Variants in TGFBR2 observed in about 807,000 individuals in gnomAD.
TGFBR2 encodes TGF-beta receptor type-2.
TGFBR2 carries 18 observed loss-of-function variants against 49.0 expected under a neutral mutation model. That is an observed-to-expected ratio of 0.37 (90% CI 0.25 to 0.54). TGFBR2 has a LOEUF of 0.54. Ranked by LOEUF, TGFBR2 falls within the 20% of genes least tolerant of loss-of-function variation. The probability of loss-of-function intolerance (pLI) is 0.85; values close to 1 mark genes in which losing one functional copy is unlikely to be tolerated. For missense variants in TGFBR2, 525 were observed against 722.6 expected, an observed-to-expected ratio of 0.73 and a Z score of 3.13; for synonymous variants, 282 against 275.9, an observed-to-expected ratio of 1.02 and a Z score of -0.22.
intron 2 of TGFBR2, among the ~76,000 whole-genome samples, chr3:30,649,442 G>A (rs1698839977): frequency 6.6e-6 from 1 of 152,154 alleles, no homozygotes; most frequent in African/African-American, 2.4e-5. Flanking sequence ...TAGGGCCCAA[G>A]GAAAATGCTA....
chr3:30,607,233 T>C (rs1697939642), intron 1 of TGFBR2, among the ~76,000 whole-genome samples: 1 of 152,218 alleles, frequency 6.6e-6, no homozygotes, highest in South Asian at 2.1e-4. Flanking sequence ...GGAAAGGCGT[T>C]GTGTTGGCCG....
chr3:30,647,096 C>T (rs989995168), intron 2 of TGFBR2, among the ~76,000 whole-genome samples: 2 of 152,144 alleles, frequency 1.3e-5, no homozygotes, highest in African/African-American at 2.4e-5. Context: ...TCCTTCATGA[C>T]CAAGGCACTC....
At chr3:30,677,867 C>T (rs576387608) in intron 5 of TGFBR2, among the ~76,000 whole-genome samples, 3 of 152,254 alleles carry the variant, frequency 2.0e-5, no homozygotes, top group African/African-American at 7.2e-5. Flanking sequence ...CTTACACATG[C>T]AGATATGTTT....
At chr3:30,610,441 A>G (rs1212612514) in intron 1 of TGFBR2, among the ~76,000 whole-genome samples, 2 of 152,158 alleles carry the variant, frequency 1.3e-5, no homozygotes, top group Non-Finnish European at 2.9e-5. Context: ...CTGCCTTGTC[A>G]CGGAGCCCCA....
chr3:30,608,612 G>A (rs75246121), intron 1 of TGFBR2, among the ~76,000 whole-genome samples: 1,820 of 152,258 alleles, frequency 0.012, 31 homozygotes, highest in African/African-American at 0.041. Flanking sequence ...ATTTTAGAGT[G>A]TTTGAAGTGG....
rs1476963607 is a variant in TGFBR2, at chr3:30,681,568, C to T, written c.1397-6816C>T. Among the ~76,000 whole-genome samples, 4 of 152,058 alleles carry T rather than the reference C, an allele frequency of 2.6e-5. No homozygotes were observed. In the East Asian group the frequency reaches 5.8e-4, roughly 22 times the overall value. ...AGAAGCTGCGAGGGCCGGGCGGTTG[C>T]GGGTGGCTTCCATCAGTGAAAAGAC... On this transcript the variant is annotated intron_variant, in intron 5 of 6. Coordinates refer to ENST00000295754, the MANE Select transcript of TGFBR2 (RefSeq NM_003242.6).
At chr3:30,657,404 A>G (rs1030595701) in intron 3 of TGFBR2, among the ~76,000 whole-genome samples, 1 of 152,154 alleles carries the variant, frequency 6.6e-6, no homozygotes, top group African/African-American at 2.4e-5. Context: ...TAAGATGCTC[A>G]TCTGTTGGGA....
At chr3:30,666,765 G>C (rs891591) in intron 3 of TGFBR2, among the ~76,000 whole-genome samples, 96,665 of 150,920 alleles carry the variant, frequency 0.64, 31,580 homozygotes, top group Non-Finnish European at 0.7. Context: ...CTCAGCCACC[G>C]TAATAGCTGG....
chr3:30,687,398 T>C (rs1699641343), intron 5 of TGFBR2, among the ~76,000 whole-genome samples: 1 of 152,178 alleles, frequency 6.6e-6, no homozygotes, highest in Non-Finnish European at 1.5e-5. Context: ...TGTTTTGTTT[T>C]TTATTTTGTA....
At chr3:30,649,744 G>A (rs1193630607) in intron 2 of TGFBR2, among the ~76,000 whole-genome samples, 4 of 151,968 alleles carry the variant, frequency 2.6e-5, no homozygotes, top group Non-Finnish European at 4.4e-5. Context: ...CCCTTTACAC[G>A]CAATGCTCTG....
intron 5 of TGFBR2, among the ~76,000 whole-genome samples, chr3:30,677,785 A>G (rs1233651414): frequency 6.6e-6 from 1 of 152,222 alleles, no homozygotes; most frequent in African/African-American, 2.4e-5. Flanking sequence ...ATGGAAGGAC[A>G]GGTTTTGACC....
At chr3:30,661,819 T>A (rs1286257765) in intron 3 of TGFBR2, among the ~76,000 whole-genome samples, 1 of 152,208 alleles carries the variant, frequency 6.6e-6, no homozygotes, top group Non-Finnish European at 1.5e-5. Context: ...TCAAAACACA[T>A]GATGAAGAAT....
In TGFBR2 at chr3:30,630,587, C is replaced by T. The variant is rs149041360; in HGVS notation, c.95-14160C>T. 3.8e-3 allele frequency among the ~76,000 whole-genome samples: 580 copies of T among 152,314 alleles called. 6 individuals are homozygous for T. The highest frequency in any genetic ancestry group is 0.013 in the African/African-American group (550 of 41,570). ...TTTTCCACAGCCCATTGACAACTGT[C>T]ATTATGTAAATACTGTCCTTTTTTC... On this transcript the variant is annotated intron_variant, in intron 1 of 6. Coordinates refer to ENST00000295754, the MANE Select transcript of TGFBR2 (RefSeq NM_003242.6).
rs1575126493 is a variant in TGFBR2, at chr3:30,607,829, ATATATAT to A, written c.94+853_94+859del. 1.0e-4 allele frequency among the ~76,000 whole-genome samples: 13 copies of A among 127,838 alleles called. No homozygotes were observed. The East Asian group carries it at 1.8e-3, about 18-fold the overall frequency. 83.9% of individuals were successfully genotyped at this position (127,838 alleles called of 152,430 possible). A position where few individuals can be genotyped will look rare whatever the true frequency, so the allele number is the denominator to read the frequency against. On this transcript the variant is annotated intron_variant, in intron 1 of 6. Coordinates refer to ENST00000295754, the MANE Select transcript of TGFBR2 (RefSeq NM_003242.6). The stretch of plus-strand genomic sequence containing the variant: ...ATATATATATTATATATATATAAAT[ATATATAT>A]AATTATATATATAAATATATATAAT...
chr3:30,616,191 G>A (rs951285404), intron 1 of TGFBR2, among the ~76,000 whole-genome samples: 17 of 152,084 alleles, frequency 1.1e-4, no homozygotes, highest in Admixed American at 9.8e-4. Context: ...ACTAATGGTA[G>A]GATTTGTTTG....
At chr3:30,688,606 A>G in intron 6 of TGFBR2, 95 bp downstream of exon 6, 3 of 1,550,660 alleles carry the variant, frequency 1.9e-6, no homozygotes, top group South Asian at 2.3e-5. Flanking sequence ...AATCTGAGGG[A>G]AGGTCCCATT....
rs1304591099 is a variant in TGFBR2 at position 30,664,303 on chromosome 3, C to A, written c.455-7335C>A. Among the ~76,000 whole-genome samples, 4 of 151,818 alleles carry A rather than the reference C, an allele frequency of 2.6e-5. No homozygotes were observed. The East Asian group carries it at 7.7e-4, about 29-fold the overall frequency. ...CTTCCCCCCATTTTTTTTTAATCATCTGAGTGGCTTCAAAGCTTTTGTTCT... is the reference window on the plus strand; with the variant it reads ...CTTCCCCCCATTTTTTTTTAATCATATGAGTGGCTTCAAAGCTTTTGTTCT... On this transcript the variant is annotated intron_variant, in intron 3 of 6. Coordinates refer to ENST00000295754, the MANE Select transcript of TGFBR2 (RefSeq NM_003242.6).
At chr3:30,617,873 T>C (rs886461192) in intron 1 of TGFBR2, among the ~76,000 whole-genome samples, 28 of 152,242 alleles carry the variant, frequency 1.8e-4, no homozygotes, top group Non-Finnish European at 8.8e-5. Context: ...AGGTGATTCC[T>C]GTACACATAG....
At chr3:30,650,215 A>G in intron 2 of TGFBR2, 55 bp from the exon 3 acceptor site, 1 of 1,563,152 alleles carries the variant, frequency 6.4e-7, no homozygotes, top group Non-Finnish European at 8.8e-7. Flanking sequence ...TTATTCATTT[A>G]TTCTCTTTCT....
Sources: gnomAD v4.1 joint callset for allele counts (sites outside exome capture counted in the v4.1 genomes callset) on GRCh38, gnomAD v4.1.1 for gene constraint, MANE v1.5 for transcripts, NCBI Gene and HGNC (gene_info 2026-07-23, HGNC 2026-07-21) for gene names.